UNKL: variants seen among roughly 807,000 people sequenced by gnomAD.
UNKL encodes the protein unk like zinc finger.
UNKL carries 60 observed loss-of-function variants against 78.0 expected under a neutral mutation model. The ratio of observed to expected loss-of-function variants is 0.77; its 90% CI spans 0.63 to 0.95. UNKL has a LOEUF of 0.95. Ranked by LOEUF, UNKL falls within the 40% of genes least tolerant of loss-of-function variation. The pLI, the probability that UNKL is intolerant of heterozygous loss-of-function variation, is 0.00. For missense variants in UNKL, 1,159 were observed against 1,045.7 expected (o/e 1.11, Z -1.49); for synonymous variants, 608 against 474.8 (o/e 1.28, Z -3.65).
chr16:1,392,775 G>A lies in UNKL; in HGVS notation c.1023+116C>T, dbSNP rs749127318. The A allele has an allele frequency of 2.9e-5, 36 of 1,244,274 alleles. No homozygotes were observed. In the African/African-American group the frequency reaches 3.7e-4, roughly 13 times the overall value. 77.1% of individuals were successfully genotyped at this position (1,244,274 alleles called of 1,614,324 possible). A position where few individuals can be genotyped will look rare whatever the true frequency, so the allele number is the denominator to read the frequency against. ...TTCTAGACTCTTCTAGAAGAGCCACGAACTCCACAGACTGCCCACGACCAC... is the reference window on the plus strand; with the variant it reads ...TTCTAGACTCTTCTAGAAGAGCCACAAACTCCACAGACTGCCCACGACCAC... On this transcript the variant is annotated intron_variant, in intron 8 of 14. Transcript: ENST00000389221.
chr16:1,411,654 G>A (rs149033438), intron 2 of UNKL, among the ~76,000 whole-genome samples: 4 of 151,976 alleles, frequency 2.6e-5, no homozygotes, highest in East Asian at 1.9e-4. Context: ...TAGAAATCCC[G>A]TCTCTACTAA....
chr16:1,369,061 T>G (rs910078171), intron 12 of UNKL, among the ~76,000 whole-genome samples: 4 of 120,054 alleles, frequency 3.3e-5, no homozygotes, highest in Admixed American at 8.4e-5. Context: ...ATTAGTTTTT[T>G]TTTTTTTTTT....
rs2038166963 is a variant in UNKL at position 1,414,014 on chromosome 16, G to A, written c.119C>T (p.Ser40Leu). The A allele has an allele frequency of 1.3e-6, 2 of 1,551,356 alleles. No individual in the cohort carries two copies. The change falls in exon 2 of 15, where the codon TCA becomes TTA. Residue 40 changes from serine to leucine, a missense_variant. Transcript: ENST00000389221. ...EFRTEQCPLFSQHKCAQHRPF... is the reference protein window; with the variant it reads ...EFRTEQCPLFLQHKCAQHRPF... The stretch of plus-strand genomic sequence containing the variant: ...CCGGTGCTGCGCGCACTTGTGCTGT[G>A]AAAACAGGGGGCACTGCTCCGTCCT...
rs564279276 is a variant in UNKL at position 1,399,053 on chromosome 16, A to G, written c.734+321T>C. On this transcript the variant is annotated intron_variant, in intron 5 of 14. Transcript: ENST00000389221. The surrounding 1 kb of genome is among the most constrained non-coding windows in gnomAD (Gnocchi z 5.8). Reference sequence around the variant, plus strand: ...GGAGAGCGTGGCTGCAACCAGAGGCACGGGTGGGGCACACGGGGGTCCCAG... The same window carrying G: ...GGAGAGCGTGGCTGCAACCAGAGGCGCGGGTGGGGCACACGGGGGTCCCAG... 6.4e-6 allele frequency: 9 copies of G among 1,408,566 alleles called. No individual in the cohort carries two copies. The East Asian group carries it at 2.0e-4, about 32-fold the overall frequency. The allele number at this position is 1,408,566 out of a possible 1,614,324, so 87.3% of individuals were successfully genotyped here. A position where few individuals can be genotyped will look rare whatever the true frequency, so the allele number is the denominator to read the frequency against.
chr16:1,371,713 C>T, intron 10 of UNKL, 102 bp from the exon 11 acceptor site: 2 of 1,250,154 alleles, frequency 1.6e-6, no homozygotes, highest in South Asian at 1.4e-5. Context: ...TAGAGTGAGA[C>T]CAAGGGCAGA....
rs1191384691 is a variant in UNKL, at chr16:1,399,560, G to A, written c.599-51C>T. 1.9e-6 allele frequency: 3 copies of A among 1,554,810 alleles called. No homozygotes were observed. The highest frequency in any genetic ancestry group is 1.2e-5 in the South Asian group (1 of 85,056). ...GAGCAGCGCGACTGGAAGCAATGCT[G>A]GGCAGAGGAGACCAAAGGTGGAAGG... On this transcript the variant is annotated intron_variant, in intron 4 of 14. Coordinates refer to ENST00000389221, the MANE Select transcript of UNKL (RefSeq NM_001372107.1). This position sits in a 1 kb window ranked among gnomAD's most constrained non-coding sequence, Gnocchi z 5.8.
chr16:1,398,540 T>C, intron 5 of UNKL: 1 of 1,337,744 alleles, frequency 7.5e-7, no homozygotes, highest in Non-Finnish European at 9.6e-7. Context: ...GCACAGGTGC[T>C]CTCCGGGGCA....
rs545845147 is a variant in UNKL, at chr16:1,402,246, T to C, written c.465-545A>G. 2.6e-3 allele frequency among the ~76,000 whole-genome samples: 310 copies of C among 117,030 alleles called. 2 individuals carry two copies. The highest frequency in any genetic ancestry group is 4.9e-3 in the African/African-American group (139 of 28,658). 76.8% of individuals were successfully genotyped at this position (117,030 alleles called of 152,430 possible). A position where few individuals can be genotyped will look rare whatever the true frequency, so the allele number is the denominator to read the frequency against. On this transcript the variant is annotated intron_variant, in intron 3 of 14. Coordinates refer to ENST00000389221, the MANE Select transcript of UNKL (RefSeq NM_001372107.1). The stretch of plus-strand genomic sequence containing the variant: ...AGCTGAAGGACTGTCTGCCCCAGAC[T>C]GTGTGCTGAGTTCGTTCTCCTGGAA...
intron 9 of UNKL, among the ~76,000 whole-genome samples, chr16:1,388,513 A>ATGCTGAC (rs1342043886): frequency 6.6e-6 from 1 of 152,114 alleles, no homozygotes; most frequent in Non-Finnish European, 1.5e-5. Context: ...CCCAGACCCC[A>ATGCTGAC]TGCTGACCCT....
intron 9 of UNKL, among the ~76,000 whole-genome samples, chr16:1,386,855 C>T (rs761060095): frequency 1.3e-5 from 2 of 152,116 alleles, no homozygotes; most frequent in African/African-American, 2.4e-5. Context: ...CAGAGCCCCC[C>T]GTGACTGACT....
chr16:1,367,037 G>T (rs2035329345), intron 14 of UNKL, 55 bp downstream of exon 14: 1 of 1,466,380 alleles, frequency 6.8e-7, no homozygotes. Context: ...CCCCAGACAG[G>T]GACAGCAGCC....
chr16:1,375,695 G>C (rs896613316), intron 10 of UNKL, among the ~76,000 whole-genome samples: 1 of 152,234 alleles, frequency 6.6e-6, no homozygotes, highest in Non-Finnish European at 1.5e-5. Context: ...AGACCCCCTG[G>C]GGACCAGGAA....
At chr16:1,372,832 C>T (rs1265706286) in intron 10 of UNKL, among the ~76,000 whole-genome samples, 1 of 151,344 alleles carries the variant, frequency 6.6e-6, no homozygotes, top group African/African-American at 2.4e-5. Context: ...TGGGGCACAC[C>T]GCACAGGGAC....
intron 5 of UNKL, chr16:1,398,677 C>G: frequency 7.0e-7 from 1 of 1,430,864 alleles, no homozygotes; most frequent in Admixed American, 2.5e-5. Flanking sequence ...CCTGTGGGGT[C>G]TGCACCCCCC....
intron 9 of UNKL, among the ~76,000 whole-genome samples, chr16:1,386,254 C>CA (rs989961073): frequency 6.6e-6 from 1 of 151,756 alleles, no homozygotes; most frequent in Non-Finnish European, 1.5e-5. Flanking sequence ...ACTAAAAATA[C>CA]AAAAAAAATT....
In UNKL at chr16:1,366,297, C is replaced by A. The variant is rs747016691; in HGVS notation, c.2145G>T (p.Pro715=). 1.3e-6 allele frequency: 2 copies of A among 1,598,524 alleles called. No individual in the cohort carries two copies. Among genetic ancestry groups the A allele is most frequent in the Admixed American group, 1.7e-5 (1 of 58,264 alleles). Residue 715 remains proline, a synonymous_variant, in exon 15 of 15, where the codon CCG becomes CCT. Coordinates refer to ENST00000389221, the MANE Select transcript of UNKL (RefSeq NM_001372107.1). Reference sequence around the variant, plus strand: ...GGCACTCAGGTGCGGTGGCCGCACACGGCTCACAGAGGATGTGGTGCTGAC... The same window carrying A: ...GGCACTCAGGTGCGGTGGCCGCACAAGGCTCACAGAGGATGTGGTGCTGAC... ...RPCQHHILCE[P]CAATAPECPY...
Position 1,399,322 on chromosome 16 carries a change from G to T in UNKL, c.734+52C>A. 1 of 1,501,784 alleles carries T rather than the reference G, an allele frequency of 6.7e-7. No homozygotes were observed. Among genetic ancestry groups the T allele is most frequent in the African/African-American group, 1.4e-5 (1 of 71,674 alleles). 93.0% of individuals were successfully genotyped at this position (1,501,784 alleles called of 1,614,324 possible). A position where few individuals can be genotyped will look rare whatever the true frequency, so the allele number is the denominator to read the frequency against. On this transcript the variant is annotated intron_variant, in intron 5 of 14. Coordinates refer to ENST00000389221, the MANE Select transcript of UNKL (RefSeq NM_001372107.1). This position sits in a 1 kb window ranked among gnomAD's most constrained non-coding sequence, Gnocchi z 5.8. ...GGGTGGGCAACGCGAGCCACGGGCC[G>T]GGAAGGACGCCCACCAGCCGGAGTC...
chr16:1,399,239 T>C lies in UNKL; in HGVS notation c.734+135A>G. On this transcript the variant is annotated intron_variant, in intron 5 of 14. Coordinates refer to ENST00000389221, the MANE Select transcript of UNKL (RefSeq NM_001372107.1). The surrounding 1 kb of genome is among the most constrained non-coding windows in gnomAD (Gnocchi z 5.8). The stretch of plus-strand genomic sequence containing the variant: ...CTCCCACAGCCACTGTGCTTGGAGA[T>C]GCCCTCCCCTCCCGGGGATGATGGT... 7.3e-7 allele frequency: 1 copy of C among 1,368,268 alleles called. No homozygotes were observed. Among genetic ancestry groups the C allele is most frequent in the African/African-American group, 1.5e-5 (1 of 68,176 alleles). 84.8% of individuals were successfully genotyped at this position (1,368,268 alleles called of 1,614,324 possible). A position where few individuals can be genotyped will look rare whatever the true frequency, so the allele number is the denominator to read the frequency against.
In UNKL at chr16:1,399,111, C is replaced by T; in HGVS notation, c.734+263G>A. 8.3e-7 allele frequency: 1 copy of T among 1,208,022 alleles called. No homozygotes were observed. Among genetic ancestry groups the T allele is most frequent in the Non-Finnish European group, 1.1e-6 (1 of 895,850 alleles). The allele number at this position is 1,208,022 out of a possible 1,614,324, so 74.8% of individuals were successfully genotyped here. ...TGGGGTCCCTCCTGCAGTGCTCCGT[C>T]CCCTTGCCTGGCAGAGGGGCCCCGG... On this transcript the variant is annotated intron_variant, in intron 5 of 14. Coordinates refer to ENST00000389221, the MANE Select transcript of UNKL (RefSeq NM_001372107.1). This position sits in a 1 kb window ranked among gnomAD's most constrained non-coding sequence, Gnocchi z 5.8.
Sources: allele counts gnomAD v4.1 joint callset (sites outside exome capture counted in the v4.1 genomes callset), GRCh38; gene constraint gnomAD v4.1.1; non-coding constraint Gnocchi (gnomAD v3.1); transcripts MANE v1.5; gene names NCBI Gene and HGNC (gene_info 2026-07-23, HGNC 2026-07-21).